CDH19: variants seen among roughly 807,000 people sequenced by gnomAD.
The protein encoded by CDH19 is cadherin 19, also known as cadherin-19.
CDH19 carries 67 observed loss-of-function variants against 64.2 expected under a neutral mutation model. The observed-to-expected ratio is 1.04, with a 90% confidence interval of 0.86 to 1.28. The LOEUF (loss-of-function observed/expected upper bound fraction) is 1.28, where lower values mean the gene tolerates loss of function less well. CDH19 is among the 50% of genes most tolerant of loss of function. The pLI is 0.00. For synonymous variants in CDH19, 346 were observed against 319.3 expected, an observed-to-expected ratio of 1.08 and a Z score of -0.89; for missense variants, 1,030 against 929.0, an observed-to-expected ratio of 1.11 and a Z score of -1.41.
At chr18:66,518,019 C>T (rs2144369946) in intron 9 of CDH19, among the ~76,000 whole-genome samples, 1 of 151,636 alleles carries the variant, frequency 6.6e-6, no homozygotes, top group African/African-American at 2.4e-5. Flanking sequence ...TGAAATTTGG[C>T]TTTAGAACTC....
intron 1 of CDH19, among the ~76,000 whole-genome samples, chr18:66,594,968 C>T (rs1048998358): frequency 2.0e-5 from 3 of 150,658 alleles, no homozygotes; most frequent in Non-Finnish European, 3.0e-5. Context: ...AACTAACCTG[C>T]ATATTGTGCA....
In CDH19 at chr18:66,568,604, G is replaced by A; in HGVS notation, c.302C>T (p.Ala101Val). The A allele has an allele frequency of 6.2e-7, 1 of 1,611,862 alleles. No homozygotes were observed. The stretch of plus-strand genomic sequence containing the variant: ...CTCCTCTCTATCAAGCTTCTGTATG[G>A]CATATATGTCACCTGTTCTTTCATC... ...IIDERTGDIY[A>V]IQKLDREERS... is the part of the protein sequence containing the mutation. Residue 101 changes from alanine to valine, a missense_variant, in exon 3 of 12, where the codon GCC (alanine) becomes GTC (valine). By Grantham distance (64) the Ala-to-Val change is moderately conservative. Transcript: ENST00000262150.
At chr18:66,584,207 C>G (rs1048410049) in intron 1 of CDH19, among the ~76,000 whole-genome samples, 1 of 151,996 alleles carries the variant, frequency 6.6e-6, no homozygotes, top group Non-Finnish European at 1.5e-5. Flanking sequence ...AGACACTTTT[C>G]TAAAGAAGAC....
At chr18:66,510,366 A>G (rs1985414706) in intron 10 of CDH19, among the ~76,000 whole-genome samples, 1 of 150,570 alleles carries the variant, frequency 6.6e-6, no homozygotes, top group Non-Finnish European at 1.5e-5. Flanking sequence ...AACCAAATCA[A>G]TTTTGTATGC....
rs1392642472 is a variant in CDH19 at position 66,595,513 on chromosome 18, A to G, written c.-113+8441T>C. Among the ~76,000 whole-genome samples, 64 of 41,772 alleles carry G rather than the reference A, an allele frequency of 1.5e-3. No individual in the cohort carries two copies. The East Asian group carries it at 0.021, about 14-fold the overall frequency. 27.4% of individuals were successfully genotyped at this position (41,772 alleles called of 152,430 possible). ...GGGGACATTACCACCGGCCCCACAGAAAAAAAAAAAAAAAAAAAAAACCTG... is the reference window on the plus strand; with the variant it reads ...GGGGACATTACCACCGGCCCCACAGGAAAAAAAAAAAAAAAAAAAAACCTG... On this transcript the variant is annotated intron_variant, in intron 1 of 11. Coordinates refer to ENST00000262150, the MANE Select transcript of CDH19 (RefSeq NM_021153.4).
At position 66,597,162 on chromosome 18, in the gene CDH19, T is replaced by TA. The variant is rs71169160; in HGVS notation, c.-113+6791dup. On this transcript the variant is annotated intron_variant, in intron 1 of 11. Coordinates refer to ENST00000262150, the MANE Select transcript of CDH19 (RefSeq NM_021153.4). The stretch of plus-strand genomic sequence containing the variant: ...CCAAAGAGCCAAAGCAATCTTAAGT[T>TA]AAAAAAAAAAAAAAAAAGCTGGAAG... Among the ~76,000 whole-genome samples the TA allele has an allele frequency of 2.2e-3, 189 of 86,292 alleles. 4 individuals carry two copies. Among genetic ancestry groups the TA allele is most frequent in the East Asian group, 0.013 (37 of 2,878 alleles). The allele number at this position is 86,292 out of a possible 152,430, so 56.6% of individuals were successfully genotyped here.
rs1003595804 is a variant in CDH19 at position 66,529,687 on chromosome 18, TATA to T, written c.1458+155_1458+157del. ...TAATTTGTATATATATTGAATATAA[TATA>T]ATATAGAATTACAATAATTATATAA... is the stretch of plus-strand genomic sequence containing the variant. On this transcript the variant is annotated intron_variant, in intron 9 of 11. Coordinates refer to ENST00000262150, the MANE Select transcript of CDH19 (RefSeq NM_021153.4). 4.1e-5 allele frequency among the ~76,000 whole-genome samples: 6 copies of T among 147,806 alleles called. No homozygotes were observed. In the Admixed American group the frequency reaches 4.1e-4, roughly 10 times the overall value.
intron 1 of CDH19, among the ~76,000 whole-genome samples, chr18:66,594,804 A>G (rs1035317406): frequency 8.1e-5 from 11 of 136,008 alleles, no homozygotes; most frequent in Non-Finnish European, 1.2e-4. Context: ...GAATTGAACA[A>G]TGAGAACACA....
intron 9 of CDH19, among the ~76,000 whole-genome samples, chr18:66,523,551 G>A (rs928523917): frequency 8.6e-5 from 13 of 150,724 alleles, no homozygotes; most frequent in African/African-American, 3.2e-4. Context: ...GGATAAATAT[G>A]CAGGACTTGG....
chr18:66,603,556 T>C (rs1989089270), intron 1 of CDH19, among the ~76,000 whole-genome samples: 1 of 151,854 alleles, frequency 6.6e-6, no homozygotes, highest in Admixed American at 6.6e-5. Flanking sequence ...TCATATTACC[T>C]GATATACATG....
chr18:66,535,496 T>C (rs28760594), intron 7 of CDH19, among the ~76,000 whole-genome samples: 2,968 of 151,134 alleles, frequency 0.02, 113 homozygotes, highest in African/African-American at 0.068. Context: ...ATGTTTTTGT[T>C]TGTTTAAAAA....
intron 9 of CDH19, among the ~76,000 whole-genome samples, chr18:66,517,429 C>A (rs1372920090): frequency 1.3e-5 from 2 of 151,862 alleles, no homozygotes; most frequent in African/African-American, 4.8e-5. Context: ...CTATTTGCAC[C>A]ACATGGCAAA....
At chr18:66,540,089 C>G (rs182766120) in intron 7 of CDH19, among the ~76,000 whole-genome samples, 13 of 152,232 alleles carry the variant, frequency 8.5e-5, no homozygotes, top group African/African-American at 3.1e-4. Flanking sequence ...CTCTCTCTCT[C>G]TCTGTTTGCC....
At chr18:66,601,961 C>G (rs1989047283) in intron 1 of CDH19, among the ~76,000 whole-genome samples, 1 of 152,004 alleles carries the variant, frequency 6.6e-6, no homozygotes, top group African/African-American at 2.4e-5. Flanking sequence ...AGAAAGGATT[C>G]CTGTGGGATT....
chr18:66,546,701 G>A (rs545303999), intron 5 of CDH19, among the ~76,000 whole-genome samples: 21 of 152,176 alleles, frequency 1.4e-4, no homozygotes, highest in African/African-American at 4.1e-4. Flanking sequence ...CTGGTGGAAT[G>A]GCTTAAAATT....
intron 3 of CDH19, among the ~76,000 whole-genome samples, chr18:66,558,077 G>T (rs937614497): frequency 2.6e-5 from 4 of 151,224 alleles, no homozygotes; most frequent in Non-Finnish European, 5.9e-5. Flanking sequence ...TTGCCTTGCA[G>T]AGGTTGCAGT....
chr18:66,592,027 G>A (rs1378318943), intron 1 of CDH19, among the ~76,000 whole-genome samples: 1 of 151,672 alleles, frequency 6.6e-6, no homozygotes, highest in Non-Finnish European at 1.5e-5. Flanking sequence ...TTCCCTTAAT[G>A]AAATCAGCAT....
At chr18:66,515,034 C>T (rs1306646745) in intron 9 of CDH19, among the ~76,000 whole-genome samples, 1 of 151,574 alleles carries the variant, frequency 6.6e-6, no homozygotes, top group Non-Finnish European at 1.5e-5. Flanking sequence ...GAATCATGAA[C>T]TCTAAATCAA....
At chr18:66,586,580 T>TA (rs1297207649) in intron 1 of CDH19, among the ~76,000 whole-genome samples, 2 of 152,032 alleles carry the variant, frequency 1.3e-5, no homozygotes, top group African/African-American at 4.8e-5. Flanking sequence ...AAAGTGTCTA[T>TA]AAACAGTCCC....
Sources: allele counts gnomAD v4.1 joint callset (sites outside exome capture counted in the v4.1 genomes callset), GRCh38; gene constraint gnomAD v4.1.1; transcripts MANE v1.5; gene names NCBI Gene and HGNC (gene_info 2026-07-23, HGNC 2026-07-21).